WDR27: variants seen among roughly 807,000 people sequenced by gnomAD.
The protein encoded by WDR27 is WD repeat-containing protein 27.
A neutral mutation model predicts 114.4 loss-of-function variants in WDR27; 100 were observed. That is an observed-to-expected ratio of 0.87 (90% confidence interval 0.74 to 1.03). WDR27 has a LOEUF of 1.03. WDR27 is among the 50% of genes least tolerant of loss of function. The pLI is 0.00. For synonymous variants in WDR27, 449 were observed against 423.1 expected, an observed-to-expected ratio of 1.06 and a Z score of -0.75; for missense variants, 1,129 against 1,092.9, an observed-to-expected ratio of 1.03 and a Z score of -0.47.
At chr6:169,539,280 G>A (rs1417333604) in intron 25 of WDR27, among the ~76,000 whole-genome samples, 10 of 152,034 alleles carry the variant, frequency 6.6e-5, no homozygotes, top group Non-Finnish European at 7.4e-5. Context: ...CTCCCCCATC[G>A]CCCCAACCCG....
At chr6:169,431,616 G>A in the WDR27 span, among the ~76,000 whole-genome samples, 1 of 152,086 alleles carries the variant, frequency 6.6e-6, no homozygotes, top group Non-Finnish European at 1.5e-5. Context: ...TTCCTGATGA[G>A]TATGTACTTT....
the WDR27 span, among the ~76,000 whole-genome samples, chr6:169,451,775 G>A: frequency 6.6e-6 from 1 of 152,196 alleles, no homozygotes; most frequent in African/African-American, 2.4e-5. Context: ...TTTTCCTAAT[G>A]AGGAATAATA....
At chr6:169,576,840 C>G (rs1317046242) in intron 24 of WDR27, among the ~76,000 whole-genome samples, 1 of 151,346 alleles carries the variant, frequency 6.6e-6, no homozygotes, top group Non-Finnish European at 1.5e-5. Context: ...GACTGGAACT[C>G]ACGGATCTTT....
At chr6:169,636,640 A>C (rs897037431) in intron 18 of WDR27, 136 bp from the exon 19 acceptor site, 1 of 834,802 alleles carries the variant, frequency 1.2e-6, no homozygotes, top group Non-Finnish European at 1.7e-6. Flanking sequence ...TGTTAGACCC[A>C]ATCTACAATT....
At chr6:169,517,468 T>G (rs1293990868) in intron 25 of WDR27, among the ~76,000 whole-genome samples, 1 of 152,178 alleles carries the variant, frequency 6.6e-6, no homozygotes, top group African/African-American at 2.4e-5. Context: ...CTATAACTAT[T>G]GTTTATAGTT....
Position 169,658,351 on chromosome 6 carries a change from C to G in WDR27, c.1327G>C (p.Val443Leu). Residue 443 changes from valine (V) to leucine (L), a missense_variant, in exon 13 of 26, where the codon GTC (valine) becomes CTC (leucine). Transcript: ENST00000448612. ...AGATACAGTGGAGAGGTCGGTAGGA[C>G]ACAGGAGCTGAAACAGAAACAAGCC... ...QSLSVPASSCVLPTSPLYLGI... is the reference protein window; with the variant it reads ...QSLSVPASSCLLPTSPLYLGI... 1 of 1,594,246 alleles carries G rather than the reference C, an allele frequency of 6.3e-7. No homozygotes were observed. The highest frequency in any genetic ancestry group is 8.5e-7 in the Non-Finnish European group (1 of 1,170,564).
In WDR27 at chr6:169,583,132, T is replaced by C. The variant is rs150033938; in HGVS notation, c.2425-198A>G. 1.7e-3 allele frequency among the ~76,000 whole-genome samples: 260 copies of C among 152,250 alleles called. 3 individuals are homozygous for C. Among genetic ancestry groups the C allele is most frequent in the African/African-American group, 5.8e-3 (241 of 41,558 alleles). ...AGGCATCTTTTCCCCTTCTCTCTTG[T>C]AGATTTTTAACATCTTAGTGAACTT... On this transcript the variant is annotated intron_variant, in intron 23 of 25. Transcript: ENST00000448612.
intron 25 of WDR27, among the ~76,000 whole-genome samples, chr6:169,552,201 C>T (rs1440580642): frequency 6.6e-6 from 1 of 152,138 alleles, no homozygotes; most frequent in Non-Finnish European, 1.5e-5. Flanking sequence ...TGCAGCCCAC[C>T]CCGACCACAC....
chr6:169,444,678 T>C, the WDR27 span, among the ~76,000 whole-genome samples: 7 of 151,910 alleles, frequency 4.6e-5, no homozygotes, highest in Admixed American at 2.6e-4. Flanking sequence ...TGTTTTTTTT[T>C]TTTTCGTCTT....
At chr6:169,593,028 A>G (rs1307184600) in intron 23 of WDR27, among the ~76,000 whole-genome samples, 4 of 152,204 alleles carry the variant, frequency 2.6e-5, no homozygotes, top group Non-Finnish European at 5.9e-5. Flanking sequence ...ATGATAAATT[A>G]TTGTTAATGC....
Position 169,562,655 on chromosome 6 carries a change from G to C in WDR27, c.2645+9764C>G, listed in dbSNP as rs144826300. Among the ~76,000 whole-genome samples, 1,075 of 152,264 alleles carry C rather than the reference G, an allele frequency of 7.1e-3. 9 individuals carry two copies. Among genetic ancestry groups the C allele is most frequent in the Middle Eastern group, 0.014 (4 of 294 alleles). On this transcript the variant is annotated intron_variant, in intron 25 of 25. Coordinates refer to ENST00000448612, the MANE Select transcript of WDR27 (RefSeq NM_182552.5). ...CGTGAGTGCCCCGGGCACAGGATAG[G>C]GGAGATTGGAGGGGACATGGGGAGG...
downstream of WDR27, among the ~76,000 whole-genome samples, chr6:169,453,157 A>G (rs1251339247): frequency 2.0e-5 from 3 of 152,236 alleles, no homozygotes; most frequent in East Asian, 5.8e-4. Flanking sequence ...AGCACAAACT[A>G]TAAAACAAAA....
At chr6:169,480,896 G>T (rs1562473505) in intron 25 of WDR27, among the ~76,000 whole-genome samples, 1 of 151,432 alleles carries the variant, frequency 6.6e-6, no homozygotes. Flanking sequence ...AGTGCTCTGT[G>T]TCTAGCTAAT....
At chr6:169,669,660 C>A (rs1167536151) in intron 4 of WDR27, 5 of 152,152 alleles carry the variant, frequency 3.3e-5, no homozygotes, top group Non-Finnish European at 7.3e-5. Context: ...CAAACACCAA[C>A]ATATCCAGAA....
chr6:169,644,475 G>C (rs956796241), intron 16 of WDR27, among the ~76,000 whole-genome samples: 1 of 144,060 alleles, frequency 6.9e-6, no homozygotes, highest in Non-Finnish European at 1.5e-5. Context: ...CTGTAGAAAA[G>C]CCTAGTTCAC....
intron 17 of WDR27, among the ~76,000 whole-genome samples, chr6:169,639,464 A>G (rs1818610883): frequency 6.7e-6 from 1 of 150,188 alleles, no homozygotes; most frequent in African/African-American, 2.5e-5. Context: ...GTCAACGTTG[A>G]AGAAAAAAGT....
intron 25 of WDR27, among the ~76,000 whole-genome samples, chr6:169,540,297 G>A (rs187196401): frequency 1.3e-5 from 2 of 151,956 alleles, no homozygotes; most frequent in African/African-American, 4.8e-5. Flanking sequence ...AAATTATATT[G>A]ACTTCTTTCA....
At chr6:169,654,425 C>T (rs78828886) in intron 13 of WDR27, among the ~76,000 whole-genome samples, 2,042 of 152,284 alleles carry the variant, frequency 0.013, 48 homozygotes, top group African/African-American at 0.046. Context: ...ATAATAAATG[C>T]AAATTAGGCT....
intron 25 of WDR27, among the ~76,000 whole-genome samples, chr6:169,540,501 C>A (rs558268042): frequency 8.6e-5 from 13 of 151,500 alleles, no homozygotes; most frequent in African/African-American, 3.2e-4. Context: ...GAGATCTCGG[C>A]TCACTGCAAA....
Sources: gnomAD v4.1 joint callset for allele counts (sites outside exome capture counted in the v4.1 genomes callset) on GRCh38, gnomAD v4.1.1 for gene constraint, MANE v1.5 for transcripts, NCBI Gene and HGNC (gene_info 2026-07-23, HGNC 2026-07-21) for gene names.